Variants in TOX observed in about 807,000 individuals in gnomAD.
The protein encoded by TOX is thymocyte selection associated high mobility group box, also known as thymocyte selection-associated high mobility group box protein TOX.
In TOX, 11 loss-of-function variants were observed where a neutral mutation model predicts 53.7. That is an observed-to-expected ratio of 0.20 (90% confidence interval 0.13 to 0.34). TOX has a LOEUF of 0.34. TOX is among the 10% of genes least tolerant of loss of function. TOX has a pLI of 1.00. For missense variants in TOX, 570 were observed against 664.6 expected, an observed-to-expected ratio of 0.86 and a Z score of 1.56; for synonymous variants, 225 against 245.3, an observed-to-expected ratio of 0.92 and a Z score of 0.77.
At chr8:59,067,125 C>T (rs1022154879) in intron 1 of TOX, among the ~76,000 whole-genome samples, 3 of 151,468 alleles carry the variant, frequency 2.0e-5, no homozygotes, top group Admixed American at 1.3e-4. Flanking sequence ...GAAGGGGGGC[C>T]GGGGGGTTGA....
intron 3 of TOX, among the ~76,000 whole-genome samples, chr8:58,868,188 C>T (rs534623860): frequency 1.3e-5 from 2 of 152,248 alleles, no homozygotes; most frequent in South Asian, 2.1e-4. Context: ...CATGCAATTG[C>T]TCCTCCTTCA....
At position 58,946,481 on chromosome 8, in the gene TOX, C is replaced by T. The variant is rs771456904; in HGVS notation, c.169-6937G>A. ...TATAATGTATTACTGTGGAAAGCTT[C>T]GGTCTGTTCCATAAATCATCTTAAC... On this transcript the variant is annotated intron_variant, in intron 2 of 8. Coordinates refer to ENST00000361421, the MANE Select transcript of TOX (RefSeq NM_014729.3). Among the ~76,000 whole-genome samples the T allele has an allele frequency of 1.7e-4, 26 of 152,164 alleles. 1 individual carries two copies. The highest frequency in any genetic ancestry group is 1.9e-4 in the East Asian group (1 of 5,200).
chr8:58,898,311 G>A (rs1455569648), intron 3 of TOX, among the ~76,000 whole-genome samples: 1 of 45,696 alleles, frequency 2.2e-5, no homozygotes, highest in East Asian at 5.9e-4. Context: ...AGTGATTAAT[G>A]TTTGATCTAT....
At chr8:58,825,180 A>G (rs1324073481) in intron 6 of TOX, among the ~76,000 whole-genome samples, 4 of 152,180 alleles carry the variant, frequency 2.6e-5, no homozygotes, top group Admixed American at 1.3e-4. Flanking sequence ...ACTCACATAC[A>G]ACATTGGAGG....
At chr8:59,030,856 T>G (rs1269292712) in intron 1 of TOX, among the ~76,000 whole-genome samples, 6 of 152,230 alleles carry the variant, frequency 3.9e-5, no homozygotes, top group Non-Finnish European at 7.3e-5. Context: ...TCCTCTCATT[T>G]TTTCTATAAA....
intron 3 of TOX, among the ~76,000 whole-genome samples, chr8:58,936,320 T>C (rs1812344254): frequency 6.6e-6 from 1 of 152,202 alleles, no homozygotes; most frequent in Admixed American, 6.5e-5. Context: ...CTAAGTTTTA[T>C]ACCCAAACCA....
chr8:59,003,028 G>A (rs1243612482), intron 1 of TOX, among the ~76,000 whole-genome samples: 3 of 152,094 alleles, frequency 2.0e-5, no homozygotes, highest in African/African-American at 7.2e-5. Context: ...TTTAACTTGA[G>A]GCCTCTGAGC....
At chr8:58,882,391 A>G (rs1811398133) in intron 3 of TOX, among the ~76,000 whole-genome samples, 1 of 152,188 alleles carries the variant, frequency 6.6e-6, no homozygotes, top group African/African-American at 2.4e-5. Flanking sequence ...AGATAATTTC[A>G]TTTGATGTTT....
At chr8:58,935,301 A>G (rs1347912350) in intron 3 of TOX, among the ~76,000 whole-genome samples, 1 of 152,130 alleles carries the variant, frequency 6.6e-6, no homozygotes, top group African/African-American at 2.4e-5. Flanking sequence ...GAACTTAAGT[A>G]TTTTTCACTT....
At chr8:58,863,582 C>A (rs553115231) in intron 3 of TOX, among the ~76,000 whole-genome samples, 1 of 152,256 alleles carries the variant, frequency 6.6e-6, no homozygotes, top group East Asian at 1.9e-4. Context: ...AACCATGGAA[C>A]TGTACTATTG....
chr8:58,867,902 T>C (rs1563374491), intron 3 of TOX, among the ~76,000 whole-genome samples: 3 of 152,306 alleles, frequency 2.0e-5, no homozygotes, highest in South Asian at 4.1e-4. Context: ...AGGCACTGAA[T>C]TGCAGAACCA....
intron 1 of TOX, among the ~76,000 whole-genome samples, chr8:58,998,543 TTA>T (rs56860550): frequency 2.4e-5 from 3 of 124,854 alleles, no homozygotes; most frequent in African/African-American, 3.4e-5. Flanking sequence ...ATATATAAAT[TTA>T]TATATAATAA....
intron 1 of TOX, among the ~76,000 whole-genome samples, chr8:58,976,194 A>G (rs1191885237): frequency 6.6e-6 from 1 of 152,206 alleles, no homozygotes; most frequent in Non-Finnish European, 1.5e-5. Flanking sequence ...ATTGGAGTCA[A>G]TTATCTCAAA....
At chr8:58,951,582 C>T (rs1230940404) in intron 2 of TOX, among the ~76,000 whole-genome samples, 2 of 152,120 alleles carry the variant, frequency 1.3e-5, no homozygotes, top group African/African-American at 4.8e-5. Flanking sequence ...TTCCCCCACT[C>T]CCATTTCCTC....
At chr8:58,912,666 G>C (rs1811927452) in intron 3 of TOX, among the ~76,000 whole-genome samples, 1 of 152,110 alleles carries the variant, frequency 6.6e-6, no homozygotes, top group Middle Eastern at 3.2e-3. Flanking sequence ...CCCCTCTGTG[G>C]GCTGCGCTTT....
intron 1 of TOX, among the ~76,000 whole-genome samples, chr8:59,034,408 C>T (rs963937598): frequency 1.1e-4 from 17 of 152,224 alleles, no homozygotes; most frequent in African/African-American, 3.1e-4. Context: ...ATAGCCTTAT[C>T]CAGATATCCT....
In TOX at chr8:58,921,690, T is replaced by C. The variant is rs541755732; in HGVS notation, c.411+17612A>G. ...CTTCCCTACAAATTTTGTAAATACT[T>C]ATGCAAACTATTTGCCAATCAACCA... On this transcript the variant is annotated intron_variant, in intron 3 of 8. Transcript: ENST00000361421. 2.6e-5 allele frequency among the ~76,000 whole-genome samples: 4 copies of C among 152,340 alleles called. No homozygotes were observed. In the East Asian group the frequency reaches 7.7e-4, roughly 29 times the overall value.
At chr8:58,995,793 T>C (rs1482557069) in intron 1 of TOX, among the ~76,000 whole-genome samples, 2 of 152,268 alleles carry the variant, frequency 1.3e-5, no homozygotes, top group African/African-American at 4.8e-5. Flanking sequence ...CAGTGACTGA[T>C]GTACTTGCTT....
At chr8:58,998,057 C>T (rs567797226) in intron 1 of TOX, among the ~76,000 whole-genome samples, 22 of 152,146 alleles carry the variant, frequency 1.4e-4, no homozygotes, top group African/African-American at 4.6e-4. Context: ...CTGGAAACTG[C>T]TTTTTTAACC....
Sources: gnomAD v4.1 joint callset for allele counts (sites outside exome capture counted in the v4.1 genomes callset) on GRCh38, gnomAD v4.1.1 for gene constraint, MANE v1.5 for transcripts, NCBI Gene and HGNC (gene_info 2026-07-23, HGNC 2026-07-21) for gene names.